The following TCTN3 variants were observed in gnomAD, a reference collection of about 807,000 sequenced individuals.
TCTN3 encodes tectonic-3.
TCTN3 carries 57 observed loss-of-function variants against 71.3 expected under a neutral mutation model. The observed-to-expected ratio is 0.80, with a 90% CI of 0.65 to 1.00. The LOEUF (loss-of-function observed/expected upper bound fraction) is 1.00. Among genes scored for constraint, TCTN3 ranks in the 50% least tolerant of loss-of-function variants. The pLI, the probability that TCTN3 is intolerant of heterozygous loss-of-function variation, is 0.00. For synonymous variants in TCTN3, 258 were observed against 267.8 expected, an observed-to-expected ratio of 0.96 and a Z score of 0.36; for missense variants, 696 against 719.9, an observed-to-expected ratio of 0.97 and a Z score of 0.38.
intron 13 of TCTN3, among the ~76,000 whole-genome samples, chr10:95,672,160 T>TGTGTGTGTGTGTGTG (rs139798593): frequency 2.9e-5 from 4 of 139,568 alleles, no homozygotes; most frequent in Non-Finnish European, 4.6e-5. Flanking sequence ...ATTATTATTA[T>TGTGTGTGTGTGTGTG]TGTGTGTGTG....
intron 13 of TCTN3, among the ~76,000 whole-genome samples, chr10:95,668,417 G>C (rs2097927748): frequency 6.6e-6 from 1 of 152,042 alleles, no homozygotes; most frequent in Non-Finnish European, 1.5e-5. Flanking sequence ...GAAAACTTCA[G>C]ACTATTAAGA....
intron 1 of TCTN3, 59 bp downstream of exon 1, chr10:95,693,585 T>C: frequency 6.5e-7 from 1 of 1,546,694 alleles, no homozygotes; most frequent in Non-Finnish European, 8.7e-7. Flanking sequence ...AGCTCAACTT[T>C]GCTCACAGAA....
Position 95,693,732 on chromosome 10 carries a change from A to G in TCTN3, c.168T>C (p.Thr56=). The change falls in exon 1 of 14, where the codon ACT becomes ACC. Residue 56 remains threonine, a synonymous_variant. Coordinates refer to ENST00000371217, the MANE Select transcript of TCTN3 (RefSeq NM_015631.6). ...TAGGGAGTCCAGGCACGGCCGGGCGAGTTGCAGTCGCCTCTGAAGGGGACT... is the reference window on the plus strand; with the variant it reads ...TAGGGAGTCCAGGCACGGCCGGGCGGGTTGCAGTCGCCTCTGAAGGGGACT... ...TLQSPSEATA[T]RPAVPGLPTV... is the part of the protein sequence containing the mutation. 1 of 1,551,560 alleles carries G rather than the reference A, an allele frequency of 6.4e-7. No individual in the cohort carries two copies. The highest frequency in any genetic ancestry group is 8.7e-7 in the Non-Finnish European group (1 of 1,146,966).
At chr10:95,692,824 G>A in intron 3 of TCTN3, 96 bp downstream of exon 3, 1 of 875,414 alleles carries the variant, frequency 1.1e-6, no homozygotes, top group South Asian at 1.4e-5. Flanking sequence ...TTTTACGTGT[G>A]GCCCAAGACA....
intron 13 of TCTN3, among the ~76,000 whole-genome samples, chr10:95,674,847 G>GAATA (rs1425164631): frequency 6.6e-6 from 1 of 151,982 alleles, no homozygotes; most frequent in East Asian, 1.9e-4. Flanking sequence ...ATGAATGAAT[G>GAATA]AATGAATAAA....
At chr10:95,686,442 T>G (rs2097948342) in intron 7 of TCTN3, 53 bp downstream of exon 7, 3 of 1,586,432 alleles carry the variant, frequency 1.9e-6, no homozygotes, top group Admixed American at 3.4e-5. Flanking sequence ...TTGCCTCAGA[T>G]GCAGAGGAGC....
chr10:95,672,033 G>A (rs997418105), intron 13 of TCTN3, among the ~76,000 whole-genome samples: 5 of 151,918 alleles, frequency 3.3e-5, no homozygotes, highest in Admixed American at 2.0e-4. Flanking sequence ...TAGCCAATAC[G>A]CAAAGCAAGG....
rs10654251 is a variant in TCTN3, at chr10:95,677,474, G to GTTTTTTTTT, written c.1590+2997_1590+2998insAAAAAAAAA. 5.2e-3 allele frequency among the ~76,000 whole-genome samples: 418 copies of GTTTTTTTTT among 80,502 alleles called. 43 individuals are homozygous for GTTTTTTTTT. The highest frequency in any genetic ancestry group is 0.013 in the African/African-American group (366 of 28,594). The allele number at this position is 80,502 out of a possible 152,430, so 52.8% of individuals were successfully genotyped here. ...ATACAAGAAGATAGTGAAGTCTACA[G>GTTTTTTTTT]TTTTTTTTGTTTTTTTTTTTTTTTT... On this transcript the variant is annotated intron_variant, in intron 13 of 13. Transcript: ENST00000371217.
At position 95,687,335 on chromosome 10, in the gene TCTN3, A is replaced by G; in HGVS notation, c.648T>C (p.Thr216=). The part of the protein sequence containing the change: ...SFYRAGDPIL[T]YFPKWSVISL... ...TTATTACAGACCACTTGGGGAAGTA[A>G]GTAAGAATGGGGTCCCCAGCCTGAA... is the stretch of plus-strand genomic sequence containing the variant. The change falls in exon 5 of 14, where the codon ACT becomes ACC. Residue 216 remains threonine, a synonymous_variant. Coordinates refer to ENST00000371217, the MANE Select transcript of TCTN3 (RefSeq NM_015631.6). 1 of 1,613,874 alleles carries G rather than the reference A, an allele frequency of 6.2e-7. No individual in the cohort carries two copies. The highest frequency in any genetic ancestry group is 8.5e-7 in the Non-Finnish European group (1 of 1,179,918).
chr10:95,684,719 C>G, intron 8 of TCTN3, 95 bp from the exon 9 acceptor site: 1 of 1,348,136 alleles, frequency 7.4e-7, no homozygotes, highest in Non-Finnish European at 1.0e-6. Context: ...GTTATTATAA[C>G]TAAATGAGGC....
At chr10:95,688,610 C>G (rs74962148) in intron 3 of TCTN3, among the ~76,000 whole-genome samples, 1 of 152,074 alleles carries the variant, frequency 6.6e-6, no homozygotes, top group Admixed American at 6.6e-5. Context: ...CAACAACTGA[C>G]GAGTCCTAAC....
intron 3 of TCTN3, among the ~76,000 whole-genome samples, chr10:95,688,397 GAA>G (rs60722894): frequency 0.48 from 50,814 of 105,608 alleles, 9,547 homozygotes; most frequent in Middle Eastern, 0.6. Flanking sequence ...TCAAAAAAAA[GAA>G]AAAAAAAAAA....
At chr10:95,682,184 G>C (rs1267004945) in intron 12 of TCTN3, among the ~76,000 whole-genome samples, 2 of 127,736 alleles carry the variant, frequency 1.6e-5, no homozygotes, top group Non-Finnish European at 3.3e-5. Flanking sequence ...AAGAGTTCAA[G>C]ATCTTGACTT....
At chr10:95,693,079 C>T (rs755811481) in intron 2 of TCTN3, 41 bp from the exon 3 acceptor site, 1 of 1,471,502 alleles carries the variant, frequency 6.8e-7, no homozygotes, top group South Asian at 1.2e-5. Context: ...TTAGAAGGGG[C>T]GGGGCAGGTC....
At chr10:95,667,025 A>G (rs1317266945) in intron 13 of TCTN3, among the ~76,000 whole-genome samples, 1 of 152,208 alleles carries the variant, frequency 6.6e-6, no homozygotes, top group Non-Finnish European at 1.5e-5. Flanking sequence ...AAATCAGGGA[A>G]TTTCTGTATC....
At position 95,663,889 on chromosome 10, in the gene TCTN3, A is replaced by T. The variant is rs1396075558; in HGVS notation, c.*178T>A. 3.3e-6 allele frequency: 2 copies of T among 601,204 alleles called. No individual in the cohort carries two copies. The highest frequency in any genetic ancestry group is 2.9e-5 in the East Asian group (1 of 35,054). The allele number at this position is 601,204 out of a possible 1,614,324, so 37.2% of individuals were successfully genotyped here. A position where few individuals can be genotyped will look rare whatever the true frequency, so the allele number is the denominator to read the frequency against. ...CAAAGCAGAGAGCTATGATGAATAA[A>T]ATATTTTTATTGCTTTTCTAAAATA... On this transcript the variant is annotated 3_prime_UTR_variant, in exon 14 of 14. Coordinates refer to ENST00000371217, the MANE Select transcript of TCTN3 (RefSeq NM_015631.6).
chr10:95,672,160 T>TTGTGTGTG (rs10525130), intron 13 of TCTN3, among the ~76,000 whole-genome samples: 22 of 139,674 alleles, frequency 1.6e-4, no homozygotes, highest in African/African-American at 6.0e-4. Context: ...ATTATTATTA[T>TTGTGTGTG]TGTGTGTGTG....
At chr10:95,682,529 A>C in intron 12 of TCTN3, 122 bp downstream of exon 12, 1 of 1,212,094 alleles carries the variant, frequency 8.3e-7, no homozygotes, top group Non-Finnish European at 1.1e-6. Flanking sequence ...ATGATTTCTT[A>C]TACTCTTCCT....
intron 12 of TCTN3, 152 bp from the exon 13 acceptor site, chr10:95,680,761 A>T: frequency 8.9e-6 from 6 of 675,548 alleles, no homozygotes; most frequent in Non-Finnish European, 1.4e-5. Context: ...CAATAAGACT[A>T]TGTTATTATT....
Sources: allele counts gnomAD v4.1 joint callset (sites outside exome capture counted in the v4.1 genomes callset), GRCh38; gene constraint gnomAD v4.1.1; transcripts MANE v1.5; gene names NCBI Gene and HGNC (gene_info 2026-07-23, HGNC 2026-07-21).